The following CSMD1 variants were observed in gnomAD, a reference collection of about 807,000 sequenced individuals.
CSMD1 encodes the protein CUB and sushi domain-containing protein 1.
Under a neutral mutation model 417.5 loss-of-function variants are expected in CSMD1, and 213 were observed. That is an observed-to-expected ratio of 0.51 (90% confidence interval 0.46 to 0.57). The LOEUF is 0.57. Among genes scored for constraint, CSMD1 ranks in the 20% least tolerant of loss-of-function variants. The pLI, the probability that CSMD1 is intolerant of heterozygous loss-of-function variation, is 0.00. For missense variants in CSMD1, 6,923 were observed against 4,529.7 expected (o/e 1.53, Z -15.17); for synonymous variants, 2,862 against 1,736.8 (o/e 1.65, Z -16.11).
chr8:3,019,330 ATCTC>A (rs1809151233), intron 51 of CSMD1, among the ~76,000 whole-genome samples: 1 of 152,196 alleles, frequency 6.6e-6, no homozygotes, highest in South Asian at 2.1e-4. Context: ...TAAATTGTCT[ATCTC>A]TCTACCTTTC....
At chr8:3,458,900 G>A (rs1008152993) in intron 12 of CSMD1, among the ~76,000 whole-genome samples, 6 of 152,198 alleles carry the variant, frequency 3.9e-5, no homozygotes, top group African/African-American at 1.4e-4. Flanking sequence ...CTAAAAAGGA[G>A]CTGCTGCTGG....
intron 16 of CSMD1, among the ~76,000 whole-genome samples, chr8:3,397,910 G>A (rs1474785315): frequency 6.6e-6 from 1 of 152,116 alleles, no homozygotes; most frequent in Non-Finnish European, 1.5e-5. Context: ...TCAGCCCATC[G>A]GTCATGGTGG....
At chr8:4,902,649 T>C (rs1804963640) in intron 1 of CSMD1, among the ~76,000 whole-genome samples, 3 of 152,188 alleles carry the variant, frequency 2.0e-5, no homozygotes, top group Admixed American at 1.3e-4. Flanking sequence ...TTATAACTTT[T>C]ATGGCATATA....
intron 8 of CSMD1, among the ~76,000 whole-genome samples, chr8:3,605,001 G>T (rs114521085): frequency 0.022 from 3,406 of 152,186 alleles, 122 homozygotes; most frequent in African/African-American, 0.077. Flanking sequence ...CAACTTAAAA[G>T]AAAGCAGTTC....
chr8:4,438,876 C>T (rs1043048358), intron 2 of CSMD1, among the ~76,000 whole-genome samples: 1 of 152,198 alleles, frequency 6.6e-6, no homozygotes, highest in African/African-American at 2.4e-5. Flanking sequence ...CCCTTGAAAG[C>T]ATTAGATTAC....
chr8:4,287,607 T>G (rs1350494427), intron 3 of CSMD1, among the ~76,000 whole-genome samples: 2 of 151,974 alleles, frequency 1.3e-5, no homozygotes, highest in Non-Finnish European at 1.5e-5. Context: ...CCAGGTTAAG[T>G]ACTTTACATA....
chr8:4,384,886 G>T (rs112473090), intron 3 of CSMD1, among the ~76,000 whole-genome samples: 5 of 152,074 alleles, frequency 3.3e-5, no homozygotes, highest in Non-Finnish European at 5.9e-5. Context: ...CTAATTTCTG[G>T]TGACTATCAA....
At chr8:4,981,202 A>T (rs933335906) in intron 1 of CSMD1, among the ~76,000 whole-genome samples, 3 of 152,192 alleles carry the variant, frequency 2.0e-5, no homozygotes, top group African/African-American at 7.2e-5. Flanking sequence ...AAACACATTC[A>T]TGAAGGCAGT....
chr8:4,402,657 T>C (rs1418715372), intron 3 of CSMD1, among the ~76,000 whole-genome samples: 1 of 152,132 alleles, frequency 6.6e-6, no homozygotes, highest in African/African-American at 2.4e-5. Flanking sequence ...ACATTTTCAT[T>C]AATGAATTTG....
intron 1 of CSMD1, among the ~76,000 whole-genome samples, chr8:4,680,958 G>GTA (rs1806004933): frequency 8.9e-6 from 1 of 112,320 alleles, no homozygotes; most frequent in African/African-American, 3.8e-5. Context: ...TGATGTGTGT[G>GTA]TGTGTGTGTG....
chr8:3,399,675 T>C (rs577694629), intron 15 of CSMD1, 146 bp from the exon 16 acceptor site: 2 of 612,592 alleles, frequency 3.3e-6, no homozygotes, highest in Middle Eastern at 4.1e-4. Flanking sequence ...CCAAGGAAAC[T>C]GTACATTTAT....
intron 5 of CSMD1, among the ~76,000 whole-genome samples, chr8:3,880,141 G>C (rs1806114370): frequency 6.6e-6 from 1 of 152,010 alleles, no homozygotes. Context: ...GTGACTGCTA[G>C]TACCTTCGAC....
chr8:4,112,097 G>C (rs1034201400), intron 3 of CSMD1, among the ~76,000 whole-genome samples: 1 of 152,082 alleles, frequency 6.6e-6, no homozygotes, highest in African/African-American at 2.4e-5. Flanking sequence ...GGAAACTGAA[G>C]GAACCACATT....
intron 3 of CSMD1, among the ~76,000 whole-genome samples, chr8:4,238,315 T>TC (rs943719844): frequency 2.6e-5 from 4 of 152,186 alleles, no homozygotes; most frequent in Admixed American, 6.5e-5. Flanking sequence ...AGCTTGGTCC[T>TC]CCTCAGCATG....
chr8:4,906,618 G>C (rs1805298101), intron 1 of CSMD1, among the ~76,000 whole-genome samples: 1 of 152,028 alleles, frequency 6.6e-6, no homozygotes, highest in Non-Finnish European at 1.5e-5. Context: ...AAGTGCAGTG[G>C]CACAATCTCA....
At chr8:4,119,896 G>A (rs969820542) in intron 3 of CSMD1, among the ~76,000 whole-genome samples, 1 of 152,210 alleles carries the variant, frequency 6.6e-6, no homozygotes, top group East Asian at 1.9e-4. Context: ...ACAGTTGCCG[G>A]AGTCTGGTAA....
chr8:4,705,023 G>A (rs1445510366), intron 1 of CSMD1, among the ~76,000 whole-genome samples: 7 of 152,128 alleles, frequency 4.6e-5, no homozygotes, highest in Non-Finnish European at 1.0e-4. Context: ...TTGGATCATG[G>A]TAGTTATTTT....
intron 1 of CSMD1, among the ~76,000 whole-genome samples, chr8:4,721,024 G>A (rs916923294): frequency 2.0e-5 from 3 of 152,042 alleles, no homozygotes; most frequent in Non-Finnish European, 2.9e-5. Context: ...TAATTATTGT[G>A]TTTATAGCAT....
chr8:3,458,370 T>C (rs1250831315), intron 12 of CSMD1, among the ~76,000 whole-genome samples: 1 of 152,162 alleles, frequency 6.6e-6, no homozygotes, highest in Non-Finnish European at 1.5e-5. Context: ...TTATAATTCA[T>C]TCATGCAATA....
Sources: gnomAD v4.1 joint callset for allele counts (sites outside exome capture counted in the v4.1 genomes callset) on GRCh38, gnomAD v4.1.1 for gene constraint, MANE v1.5 for transcripts, NCBI Gene and HGNC (gene_info 2026-07-23, HGNC 2026-07-21) for gene names.